ABCD3: variants seen among roughly 807,000 people sequenced by gnomAD.
ABCD3 encodes ATP binding cassette subfamily D member 3.
A neutral mutation model predicts 105.5 loss-of-function variants in ABCD3; 41 were observed. The ratio of observed to expected loss-of-function variants is 0.39; its 90% CI spans 0.30 to 0.50. The LOEUF (loss-of-function observed/expected upper bound fraction) is 0.50. Among genes scored for constraint, ABCD3 ranks in the 20% least tolerant of loss-of-function variants. The pLI is 0.84. For missense variants in ABCD3, 622 were observed against 806.3 expected (o/e 0.77, Z 2.77); for synonymous variants, 258 against 269.0 (o/e 0.96, Z 0.40).
At chr1:94,445,454 C>A (rs1307179641) in intron 1 of ABCD3, among the ~76,000 whole-genome samples, 1 of 152,160 alleles carries the variant, frequency 6.6e-6, no homozygotes, top group Non-Finnish European at 1.5e-5. Flanking sequence ...AACATTGGGA[C>A]AAGTGTGGGC....
intron 3 of ABCD3, among the ~76,000 whole-genome samples, chr1:94,465,822 G>A (rs891023843): frequency 6.6e-5 from 10 of 151,988 alleles, no homozygotes; most frequent in South Asian, 2.1e-4. Flanking sequence ...AAATAATGCC[G>A]TATTCTCCAT....
At chr1:94,477,545 C>T (rs1376380526) in intron 7 of ABCD3, among the ~76,000 whole-genome samples, 1 of 151,318 alleles carries the variant, frequency 6.6e-6, no homozygotes, top group African/African-American at 2.4e-5. Flanking sequence ...CCAAGATCTC[C>T]AGCCTGGGTG....
chr1:94,454,663 T>TAA (rs1250150256), intron 1 of ABCD3, among the ~76,000 whole-genome samples: 5 of 152,184 alleles, frequency 3.3e-5, no homozygotes, highest in Non-Finnish European at 7.3e-5. Flanking sequence ...ACTTTCTTTT[T>TAA]CTTTTTAAGA....
chr1:94,472,241 T>C, intron 4 of ABCD3: 12 of 979,586 alleles, frequency 1.2e-5, no homozygotes, highest in Non-Finnish European at 1.5e-5. Flanking sequence ...GCTACTCCAA[T>C]GGTAAACCAT....
intron 16 of ABCD3, among the ~76,000 whole-genome samples, chr1:94,492,668 C>T (rs577865707): frequency 2.9e-4 from 44 of 152,238 alleles, no homozygotes; most frequent in Non-Finnish European, 5.6e-4. Context: ...TGCCACTGTC[C>T]AAGGATAAAA....
At chr1:94,493,690 A>G (rs1450559203) in intron 16 of ABCD3, among the ~76,000 whole-genome samples, 3 of 152,130 alleles carry the variant, frequency 2.0e-5, no homozygotes, top group Non-Finnish European at 4.4e-5. Context: ...CTTGGAACCA[A>G]CCCAAATGTC....
Position 94,475,263 on chromosome 1 carries a change from A to G in ABCD3, c.503+23A>G, listed in dbSNP as rs761132918. 1.1e-4 allele frequency: 143 copies of G among 1,332,348 alleles called. 1 individual carries two copies. Among genetic ancestry groups the G allele is most frequent in the Middle Eastern group, 7.6e-4 (3 of 3,962 alleles). 82.5% of individuals were successfully genotyped at this position (1,332,348 alleles called of 1,614,324 possible). A position where few individuals can be genotyped will look rare whatever the true frequency, so the allele number is the denominator to read the frequency against. ...TCAGTAAGTGATAACCTATTTTTAT[A>G]TTAAAAATATTTAAATAGAAGAGTA... is the stretch of plus-strand genomic sequence containing the variant. On this transcript the variant is annotated intron_variant, in intron 6 of 22. Coordinates refer to ENST00000370214, the MANE Select transcript of ABCD3 (RefSeq NM_002858.4).
At chr1:94,510,808 A>G (rs1000271710) in intron 21 of ABCD3, among the ~76,000 whole-genome samples, 76 of 152,138 alleles carry the variant, frequency 5.0e-4, no homozygotes, top group African/African-American at 1.8e-3. Context: ...GGCTAGGATC[A>G]CAACCCCTGC....
At chr1:94,487,851 A>T in intron 12 of ABCD3, 41 bp from the exon 13 acceptor site, 1 of 1,607,832 alleles carries the variant, frequency 6.2e-7, no homozygotes, top group Non-Finnish European at 8.5e-7. Flanking sequence ...ATTTTTAGTC[A>T]TAGAACTATA....
At position 94,461,724 on chromosome 1, in the gene ABCD3, A is replaced by T. The variant is rs1473125059; in HGVS notation, c.148-3051A>T. Among the ~76,000 whole-genome samples the T allele has an allele frequency of 2.0e-5, 3 of 152,214 alleles. 1 individual carries two copies. The Middle Eastern group carries it at 0.01, about 518-fold the overall frequency. ...TATGATTTATGTAATATTGGTGTAC[A>T]TCAGGTTGTTTTTAATTTTATGGTA... On this transcript the variant is annotated intron_variant, in intron 2 of 22. Transcript: ENST00000370214.
At chr1:94,447,175 A>T (rs1447224046) in intron 1 of ABCD3, among the ~76,000 whole-genome samples, 1 of 152,244 alleles carries the variant, frequency 6.6e-6, no homozygotes, top group Non-Finnish European at 1.5e-5. Flanking sequence ...GCCACTAAGT[A>T]AAGAGAAACT....
chr1:94,431,750 A>G (rs1258668549), intron 1 of ABCD3, among the ~76,000 whole-genome samples: 1 of 152,042 alleles, frequency 6.6e-6, no homozygotes, highest in Non-Finnish European at 1.5e-5. Flanking sequence ...TTGTAGAGAT[A>G]GGGTCCCAAA....
intron 10 of ABCD3, among the ~76,000 whole-genome samples, chr1:94,486,069 A>G (rs1464194359): frequency 6.6e-6 from 1 of 151,712 alleles, no homozygotes; most frequent in Non-Finnish European, 1.5e-5. Context: ...GCGGGGGCCT[A>G]TAATCCCAGC....
At chr1:94,408,369 G>A in the ABCD3 span, among the ~76,000 whole-genome samples, 1 of 151,996 alleles carries the variant, frequency 6.6e-6, no homozygotes, top group Non-Finnish European at 1.5e-5. Context: ...GATCACTTGA[G>A]GTGAGGAGTT....
the ABCD3 span, among the ~76,000 whole-genome samples, chr1:94,393,316 G>A: frequency 6.6e-6 from 1 of 151,580 alleles, no homozygotes; most frequent in African/African-American, 2.4e-5. Context: ...AAGAGAGAGG[G>A]AGAAGGAGGA....
the ABCD3 span, among the ~76,000 whole-genome samples, chr1:94,398,751 A>G: frequency 6.6e-6 from 1 of 152,206 alleles, no homozygotes; most frequent in East Asian, 1.9e-4. Flanking sequence ...GTCTCTACTA[A>G]AAATGCAAAA....
chr1:94,406,502 C>A, the ABCD3 span: 1 of 404,764 alleles, frequency 2.5e-6, no homozygotes, highest in Non-Finnish European at 4.9e-6. Context: ...TCAGTTGAAT[C>A]CAGGTACCTT....
intron 10 of ABCD3, among the ~76,000 whole-genome samples, chr1:94,484,157 TG>T (rs1348401081): frequency 6.6e-6 from 1 of 152,212 alleles, no homozygotes; most frequent in African/African-American, 2.4e-5. Flanking sequence ...GGAGAGGATG[TG>T]GAGAAATAGG....
intron 1 of ABCD3, among the ~76,000 whole-genome samples, chr1:94,434,241 G>C (rs778631228): frequency 1.1e-4 from 16 of 152,164 alleles, no homozygotes; most frequent in Non-Finnish European, 2.2e-4. Flanking sequence ...CCCACTGGAA[G>C]GTCTTCAGGG....
Sources: allele counts gnomAD v4.1 joint callset (sites outside exome capture counted in the v4.1 genomes callset), GRCh38; gene constraint gnomAD v4.1.1; transcripts MANE v1.5; gene names NCBI Gene and HGNC (gene_info 2026-07-23, HGNC 2026-07-21).